The following DISC1 variants were observed in gnomAD, a reference collection of about 807,000 sequenced individuals.
The protein encoded by DISC1 is DISC1 scaffold protein.
A neutral mutation model predicts 84.5 loss-of-function variants in DISC1; 57 were observed. That is an observed-to-expected ratio of 0.67 (90% CI 0.55 to 0.84). The LOEUF is 0.84. Among genes scored for constraint, DISC1 ranks in the 40% least tolerant of loss-of-function variants. The probability of loss-of-function intolerance (pLI) is 0.00; values close to 1 mark genes in which losing one functional copy is unlikely to be tolerated. For synonymous variants in DISC1, 411 were observed against 415.2 expected, an observed-to-expected ratio of 0.99 and a Z score of 0.12; for missense variants, 1,000 against 1,057.8, an observed-to-expected ratio of 0.95 and a Z score of 0.76.
chr1:231,986,157 C>T (rs1362451539), intron 10 of DISC1, among the ~76,000 whole-genome samples: 1 of 152,212 alleles, frequency 6.6e-6, no homozygotes, highest in Non-Finnish European at 1.5e-5. Flanking sequence ...CTGCCACGCA[C>T]AGAGAGGGTG....
At chr1:231,888,359 G>T (rs1040944) in intron 9 of DISC1, among the ~76,000 whole-genome samples, 2 of 151,992 alleles carry the variant, frequency 1.3e-5, no homozygotes, top group Non-Finnish European at 2.9e-5. Flanking sequence ...AATACCAGAG[G>T]AGGCAAGCCA....
At chr1:231,674,330 G>A (rs916801834) in intron 1 of DISC1, among the ~76,000 whole-genome samples, 5 of 151,976 alleles carry the variant, frequency 3.3e-5, no homozygotes, top group Non-Finnish European at 7.4e-5. Context: ...TGTAATTTTG[G>A]GAGGAAGAGT....
chr1:231,830,932 A>C (rs1305930037), intron 9 of DISC1, among the ~76,000 whole-genome samples: 1 of 152,216 alleles, frequency 6.6e-6, no homozygotes, highest in Non-Finnish European at 1.5e-5. Flanking sequence ...GAATACTAAG[A>C]GCCTGAAAAA....
At chr1:231,992,271 G>A (rs1665304760) in intron 10 of DISC1, among the ~76,000 whole-genome samples, 1 of 152,098 alleles carries the variant, frequency 6.6e-6, no homozygotes, top group Admixed American at 6.5e-5. Flanking sequence ...CCGAATCTGT[G>A]CATCTTTATA....
At chr1:231,956,986 G>C (rs2102742719) in intron 9 of DISC1, among the ~76,000 whole-genome samples, 1 of 152,256 alleles carries the variant, frequency 6.6e-6, no homozygotes, top group South Asian at 2.1e-4. Flanking sequence ...ATACTCAGTG[G>C]GTTGGAGCAG....
At chr1:231,926,211 C>T (rs1238149582) in intron 9 of DISC1, among the ~76,000 whole-genome samples, 17 of 152,114 alleles carry the variant, frequency 1.1e-4, no homozygotes, top group Admixed American at 1.1e-3. Context: ...TTCTACATAT[C>T]CCATTTGTGG....
intron 9 of DISC1, among the ~76,000 whole-genome samples, chr1:231,822,832 TC>T (rs1376358831): frequency 6.6e-6 from 1 of 152,118 alleles, no homozygotes; most frequent in Non-Finnish European, 1.5e-5. Context: ...CCTAGGCAGA[TC>T]ACTGGTGAGA....
intron 10 of DISC1, among the ~76,000 whole-genome samples, chr1:231,973,953 C>T (rs997360626): frequency 1.3e-5 from 2 of 152,168 alleles, no homozygotes; most frequent in Non-Finnish European, 2.9e-5. Flanking sequence ...ACTAATGTGT[C>T]ATCTTTCTCT....
chr1:231,898,537 G>C (rs1396619297), intron 9 of DISC1, among the ~76,000 whole-genome samples: 1 of 152,232 alleles, frequency 6.6e-6, no homozygotes, highest in Non-Finnish European at 1.5e-5. Context: ...ACCATGGAAA[G>C]TTTTGAAGTA....
chr1:232,031,321 A>AAAAGGAAAGGAAAAGGAAAAGAGG lies in DISC1; in HGVS notation c.2425+4774_2425+4797dup, dbSNP rs1670022502. 6.9e-6 allele frequency among the ~76,000 whole-genome samples: 1 copy of AAAAGGAAAGGAAAAGGAAAAGAGG among 144,200 alleles called. No homozygotes were observed. The allele number at this position is 144,200 out of a possible 152,430, so 94.6% of individuals were successfully genotyped here. A position where few individuals can be genotyped will look rare whatever the true frequency, so the allele number is the denominator to read the frequency against. On this transcript the variant is annotated intron_variant, in intron 12 of 12. Coordinates refer to ENST00000439617, the MANE Select transcript of DISC1 (RefSeq NM_018662.3). The surrounding 1 kb of genome is among the most constrained non-coding windows in gnomAD (Gnocchi z 4.6). ...GAAGGAAGGAGAGAGGGAAGGAGAG[A>AAAAGGAAAGGAAAAGGAAAAGAGG]AAAGGAAAGGAAAAGGAAAAGAGGA...
chr1:232,032,025 T>C (rs1037200811), intron 12 of DISC1, among the ~76,000 whole-genome samples: 1 of 152,156 alleles, frequency 6.6e-6, no homozygotes, highest in African/African-American at 2.4e-5. Flanking sequence ...AAGTTCTGCT[T>C]TTTTTCAGAT....
intron 3 of DISC1, chr1:231,722,819 T>A: frequency 1.4e-6 from 2 of 1,442,110 alleles, no homozygotes; most frequent in Non-Finnish European, 1.8e-6. Context: ...CAGGTGGGCA[T>A]TTCTGCCCAC....
At chr1:231,666,571 A>C (rs2062041402) in intron 1 of DISC1, among the ~76,000 whole-genome samples, 1 of 152,150 alleles carries the variant, frequency 6.6e-6, no homozygotes, top group East Asian at 1.9e-4. Context: ...TTAACAAATA[A>C]TGGTATGATG....
chr1:231,628,939 G>A (rs2058483973), intron 1 of DISC1, among the ~76,000 whole-genome samples: 1 of 151,766 alleles, frequency 6.6e-6, no homozygotes, highest in Non-Finnish European at 1.5e-5. Flanking sequence ...GTCTTGCTAT[G>A]TTGCTCAGGC....
intron 6 of DISC1, among the ~76,000 whole-genome samples, chr1:231,783,785 T>TA (rs1362547467): frequency 2.6e-5 from 4 of 152,188 alleles, no homozygotes; most frequent in Non-Finnish European, 5.9e-5. Context: ...GCAAATTCAC[T>TA]ATTAGGGCTT....
chr1:231,808,113 G>T (rs569716248), intron 8 of DISC1, among the ~76,000 whole-genome samples: 49 of 152,268 alleles, frequency 3.2e-4, no homozygotes, highest in Non-Finnish European at 6.3e-4. Flanking sequence ...CACTCAGACT[G>T]CATGTTAGGA....
chr1:232,024,679 G>A (rs1364843894), intron 11 of DISC1, among the ~76,000 whole-genome samples: 8 of 151,756 alleles, frequency 5.3e-5, no homozygotes, highest in Admixed American at 3.9e-4. Flanking sequence ...TGCAATCTCC[G>A]CCTCCCGGGT....
chr1:232,026,429 C>A lies in DISC1; in HGVS notation c.2308-6C>A. ...ACAAGTGATCTTGTTTTCCCCCTCT[C>A]GCCAGGAATCTTACATCCTTTCTGC... On this transcript the variant is annotated splice_polypyrimidine_tract_variant and splice_region_variant and intron_variant, in intron 11 of 12. Transcript: ENST00000439617. The A allele has an allele frequency of 1.3e-6, 2 of 1,583,110 alleles. No homozygotes were observed. Among genetic ancestry groups the A allele is most frequent in the Non-Finnish European group, 1.7e-6 (2 of 1,160,540 alleles).
At chr1:231,854,923 C>T (rs1483112552) in intron 9 of DISC1, 2 of 606,454 alleles carry the variant, frequency 3.3e-6, no homozygotes, top group South Asian at 1.7e-5. Context: ...ACCATGTTGA[C>T]CAGACTGGTC....
Sources: gnomAD v4.1 joint callset for allele counts (sites outside exome capture counted in the v4.1 genomes callset) on GRCh38, gnomAD v4.1.1 for gene constraint, Gnocchi (gnomAD v3.1) non-coding constraint, MANE v1.5 for transcripts, NCBI Gene and HGNC (gene_info 2026-07-23, HGNC 2026-07-21) for gene names.